CDADC1: variants seen among roughly 807,000 people sequenced by gnomAD.
CDADC1 encodes the protein cytidine and dCMP deaminase domain containing 1, also known as dCTP deaminase.
Under a neutral mutation model 54.9 loss-of-function variants are expected in CDADC1, and 39 were observed. That is an observed-to-expected ratio of 0.71 (90% confidence interval 0.55 to 0.93). The LOEUF (loss-of-function observed/expected upper bound fraction) is 0.93, where lower values mean the gene tolerates loss of function less well. Ranked by LOEUF, CDADC1 falls within the 40% of genes least tolerant of loss-of-function variation. The probability of loss-of-function intolerance (pLI) is 0.00; values close to 1 mark genes in which losing one functional copy is unlikely to be tolerated. For synonymous variants in CDADC1, 186 were observed against 204.0 expected (o/e 0.91, Z 0.75); for missense variants, 518 against 618.8 (o/e 0.84, Z 1.73).
Position 49,286,288 on chromosome 13 carries a change from T to C in CDADC1, c.1471+6T>C. The C allele has an allele frequency of 1.9e-6, 3 of 1,604,126 alleles. No homozygotes were observed. Among genetic ancestry groups the C allele is most frequent in the Non-Finnish European group, 2.6e-6 (3 of 1,170,938 alleles). The stretch of plus-strand genomic sequence containing the variant: ...TGAGCCTGAAAGGAGAGAAAGTAAG[T>C]ATTTATGTATTGAGGTGAACTTTGT... On this transcript the variant is annotated splice_donor_region_variant and intron_variant, in intron 9 of 9. Coordinates refer to ENST00000251108, the MANE Select transcript of CDADC1 (RefSeq NM_030911.4).
intron 9 of CDADC1, among the ~76,000 whole-genome samples, chr13:49,289,417 C>T (rs1229821824): frequency 6.6e-6 from 1 of 152,132 alleles, no homozygotes; most frequent in African/African-American, 2.4e-5. Context: ...CATGAGCCAC[C>T]ACGCCTGGCC....
At chr13:49,272,706 G>C (rs1447724943) in intron 5 of CDADC1, among the ~76,000 whole-genome samples, 1 of 146,324 alleles carries the variant, frequency 6.8e-6, no homozygotes, top group African/African-American at 2.6e-5. Flanking sequence ...CCCCCAGGCT[G>C]GAGTGAAGTG....
chr13:49,291,626 C>T, intron 9 of CDADC1, 58 bp from the exon 10 acceptor site: 1 of 1,555,752 alleles, frequency 6.4e-7, no homozygotes, highest in Non-Finnish European at 8.7e-7. Flanking sequence ...AAGGCTGAAA[C>T]AAGTGCCCAT....
Position 49,247,976 on chromosome 13 carries a change from AGG to A in CDADC1, c.-60_-59del. On this transcript the variant is annotated 5_prime_UTR_variant, in exon 1 of 10. Coordinates refer to ENST00000251108, the MANE Select transcript of CDADC1 (RefSeq NM_030911.4). ...AGAGGAGGCGAGAGGCGGGGGCGCT[AGG>A]GCCGAGATCATGTCTGACTGGGAGA... 6.9e-7 allele frequency: 1 copy of A among 1,453,282 alleles called. No individual in the cohort carries two copies. The highest frequency in any genetic ancestry group is 9.4e-7 in the Non-Finnish European group (1 of 1,058,962). 90.0% of individuals were successfully genotyped at this position (1,453,282 alleles called of 1,614,324 possible). A position where few individuals can be genotyped will look rare whatever the true frequency, so the allele number is the denominator to read the frequency against.
intron 4 of CDADC1, among the ~76,000 whole-genome samples, chr13:49,260,007 T>C (rs971803240): frequency 6.6e-6 from 1 of 152,070 alleles, no homozygotes; most frequent in African/African-American, 2.4e-5. Context: ...GGCAGGAGAA[T>C]TGCTCAAGCC....
At chr13:49,291,645 A>T in intron 9 of CDADC1, 39 bp from the exon 10 acceptor site, 1 of 1,595,852 alleles carries the variant, frequency 6.3e-7, no homozygotes, top group Non-Finnish European at 8.5e-7. Context: ...ATGGGTTTGA[A>T]ATGAAGCTGT....
At position 49,291,730 on chromosome 13, in the gene CDADC1, CA is replaced by C. The variant is rs1953712603; in HGVS notation, c.1520del (p.Lys507ArgfsTer36). On this transcript the variant is annotated frameshift_variant, in exon 10 of 10. Transcript: ENST00000251108. LOFTEE classifies it high-confidence loss of function. ...CACAGAAGGAAGAGCAGCACCAGGA[CA>C]AGAAGCTGCGCCTCGGAATCCACTA... Reference protein sequence around the residue: ...VPQKEEQHQDKKLRLGIH With the variant: ...VPQKEEQHQDXKLRLGIH The C allele has an allele frequency of 1.2e-6, 2 of 1,613,980 alleles. No homozygotes were observed. The highest frequency in any genetic ancestry group is 1.7e-5 in the Admixed American group (1 of 59,974).
chr13:49,259,415 T>A lies in CDADC1; in HGVS notation c.322T>A (p.Leu108Ile). 1 of 1,614,122 alleles carries A rather than the reference T, an allele frequency of 6.2e-7. No individual in the cohort carries two copies. The highest frequency in any genetic ancestry group is 8.5e-7 in the Non-Finnish European group (1 of 1,179,978). The change falls in exon 4 of 10, where the codon TTA (leucine) becomes ATA (isoleucine). Residue 108 changes from leucine to isoleucine, a missense_variant. Coordinates refer to ENST00000251108, the MANE Select transcript of CDADC1 (RefSeq NM_030911.4). ...TGGTCTCCACTGTTCTAGTGAAGAT[T>A]TACATGCCGGGCAGATTGCTCTTAT... is the stretch of plus-strand genomic sequence containing the variant. ...IVGLHCSSED[L>I]HAGQIALIKH...
intron 2 of CDADC1, among the ~76,000 whole-genome samples, chr13:49,253,459 A>G (rs1952478781): frequency 6.6e-6 from 1 of 152,228 alleles, no homozygotes; most frequent in Non-Finnish European, 1.5e-5. Flanking sequence ...AATTTAGAGT[A>G]GCCAGTGGTT....
At chr13:49,272,108 A>G (rs545065631) in intron 5 of CDADC1, among the ~76,000 whole-genome samples, 3 of 152,350 alleles carry the variant, frequency 2.0e-5, no homozygotes, top group South Asian at 4.1e-4. Flanking sequence ...AGGCTGAAAC[A>G]GAAAAAGTGG....
chr13:49,273,803 C>A (rs572412196), intron 5 of CDADC1, among the ~76,000 whole-genome samples: 1 of 152,236 alleles, frequency 6.6e-6, no homozygotes, highest in South Asian at 2.1e-4. Context: ...TTTTTCTTAG[C>A]AAGAACATTT....
intron 6 of CDADC1, 54 bp downstream of exon 6, chr13:49,274,394 G>A (rs1953046250): frequency 6.9e-7 from 1 of 1,459,818 alleles, no homozygotes; most frequent in South Asian, 1.2e-5. Flanking sequence ...TTTAAACATA[G>A]TTCAGTCTTC....
chr13:49,271,421 T>C (rs1952961938), intron 5 of CDADC1, among the ~76,000 whole-genome samples: 1 of 152,158 alleles, frequency 6.6e-6, no homozygotes, highest in South Asian at 2.1e-4. Context: ...GCCACAGTAC[T>C]GATAATGAGA....
intron 5 of CDADC1, among the ~76,000 whole-genome samples, chr13:49,270,189 G>A (rs1593821138): frequency 6.6e-6 from 1 of 152,008 alleles, no homozygotes; most frequent in African/African-American, 2.4e-5. Context: ...AAAACTTTTG[G>A]AGCCAAATGT....
chr13:49,259,481 T>A lies in CDADC1; in HGVS notation c.388T>A (p.Ser130Thr). 1 of 1,614,116 alleles carries A rather than the reference T, an allele frequency of 6.2e-7. No homozygotes were observed. Among genetic ancestry groups the A allele is most frequent in the Non-Finnish European group, 8.5e-7 (1 of 1,180,008 alleles). ...SRLKNCDLYF[S>T]RKPCSACLKM... ...GCTGAAAAACTGTGATCTTTATTTT[T>A]CCAGAAAACCATGTTCTGCTTGTTT... The change falls in exon 4 of 10, where the codon TCC becomes ACC. Residue 130 changes from serine (S) to threonine (T), a missense_variant. Coordinates refer to ENST00000251108, the MANE Select transcript of CDADC1 (RefSeq NM_030911.4).
rs1052538180 is a variant in CDADC1 at position 49,292,037 on chromosome 13, A to T, written c.*280A>T. The T allele has an allele frequency of 4.4e-6, 5 of 1,144,748 alleles. No individual in the cohort carries two copies. Among genetic ancestry groups the T allele is most frequent in the Non-Finnish European group, 5.4e-6 (5 of 928,324 alleles). The allele number at this position is 1,144,748 out of a possible 1,614,324, so 70.9% of individuals were successfully genotyped here. Reference sequence around the variant, plus strand: ...TAATCACCAACAGGGACTGATTTCTATTTATCTTGACTTTATATTAGCCAA... The same window carrying T: ...TAATCACCAACAGGGACTGATTTCTTTTTATCTTGACTTTATATTAGCCAA... On this transcript the variant is annotated 3_prime_UTR_variant, in exon 10 of 10. Transcript: ENST00000251108.
chr13:49,278,651 T>C, intron 7 of CDADC1, 132 bp downstream of exon 7: 2 of 705,570 alleles, frequency 2.8e-6, no homozygotes, highest in Non-Finnish European at 4.4e-6. Flanking sequence ...ATAACTTTGG[T>C]AAAGCTTGGT....
chr13:49,253,561 C>T (rs180747474), intron 2 of CDADC1, among the ~76,000 whole-genome samples: 3 of 152,296 alleles, frequency 2.0e-5, no homozygotes, highest in Non-Finnish European at 2.9e-5. Flanking sequence ...TCAGCTTCCT[C>T]ATCTGTAAAA....
At chr13:49,288,452 C>T (rs1953590158) in intron 9 of CDADC1, among the ~76,000 whole-genome samples, 1 of 152,182 alleles carries the variant, frequency 6.6e-6, no homozygotes, top group African/African-American at 2.4e-5. Context: ...TGCCTATTTG[C>T]AGTCACTCCC....
Sources: gnomAD v4.1 joint callset for allele counts (sites outside exome capture counted in the v4.1 genomes callset) on GRCh38, gnomAD v4.1.1 for gene constraint, MANE v1.5 for transcripts, NCBI Gene and HGNC (gene_info 2026-07-23, HGNC 2026-07-21) for gene names.